The following AVL9 variants were observed in gnomAD, a reference collection of about 807,000 sequenced individuals.
AVL9 encodes the protein AVL9 cell migration associated, also known as late secretory pathway protein AVL9 homolog.
AVL9 carries 49 observed loss-of-function variants against 79.2 expected under a neutral mutation model. That is an observed-to-expected ratio of 0.62 (90% CI 0.49 to 0.79). The LOEUF is 0.79. Ranked by LOEUF, AVL9 falls within the 30% of genes least tolerant of loss-of-function variation. The pLI is 0.00. For missense variants in AVL9, 682 were observed against 776.8 expected (o/e 0.88, Z 1.45); for synonymous variants, 299 against 280.6 (o/e 1.07, Z -0.65).
intron 6 of AVL9, 106 bp from the exon 7 acceptor site, chr7:32,553,620 TA>T (rs1789930859): frequency 2.9e-6 from 2 of 694,458 alleles, no homozygotes; most frequent in Admixed American, 6.4e-5. Context: ...TGCATATTCC[TA>T]CTTTTTTTTT....
chr7:32,572,562 G>A (rs1383790824), intron 11 of AVL9, among the ~76,000 whole-genome samples: 1 of 150,536 alleles, frequency 6.6e-6, no homozygotes, highest in Non-Finnish European at 1.5e-5. Flanking sequence ...CAGCACTTTG[G>A]GAGGCCGAGG....
intron 13 of AVL9, 135 bp downstream of exon 13, chr7:32,576,207 C>A: frequency 1.6e-6 from 1 of 632,706 alleles, no homozygotes; most frequent in South Asian, 2.1e-5. Flanking sequence ...AAAAAGGCTC[C>A]CAAATATAGA....
chr7:32,560,326 T>G (rs1276054995), intron 10 of AVL9, among the ~76,000 whole-genome samples: 2 of 151,702 alleles, frequency 1.3e-5, no homozygotes, highest in African/African-American at 4.8e-5. Flanking sequence ...GAAGTACAAT[T>G]AATTATTAAA....
intron 1 of AVL9, chr7:32,538,214 T>G (rs1327047068): frequency 6.6e-6 from 1 of 152,232 alleles, no homozygotes; most frequent in African/African-American, 2.4e-5. Flanking sequence ...ACCTGTTAAC[T>G]AAATCTTCAG....
intron 15 of AVL9, 89 bp downstream of exon 15, chr7:32,580,979 G>T: frequency 2.9e-6 from 3 of 1,044,148 alleles, no homozygotes; most frequent in Non-Finnish European, 4.3e-6. Context: ...CAAACATAAA[G>T]TTGTAAAGAT....
chr7:32,511,526 C>T (rs1247039773), intron 1 of AVL9, among the ~76,000 whole-genome samples: 1 of 151,886 alleles, frequency 6.6e-6, no homozygotes, highest in Non-Finnish European at 1.5e-5. Flanking sequence ...GATTAGAGTA[C>T]AGGGGACTAG....
intron 1 of AVL9, among the ~76,000 whole-genome samples, chr7:32,513,483 CTCTT>C (rs2128119327): frequency 6.6e-6 from 1 of 152,354 alleles, no homozygotes; most frequent in African/African-American, 2.4e-5. Flanking sequence ...TAGATAAAAA[CTCTT>C]TCAACCAATT....
chr7:32,503,560 G>GGAAA (rs576348091), intron 1 of AVL9, among the ~76,000 whole-genome samples: 4 of 123,884 alleles, frequency 3.2e-5, no homozygotes, highest in East Asian at 2.4e-4. Context: ...CGTCTCAAGG[G>GGAAA]AAAAAAAAAA....
rs1791722351 is a variant in AVL9, at chr7:32,585,224, A to G, written c.*1317A>G. 1 of 152,210 alleles carries G rather than the reference A, an allele frequency of 6.6e-6. No individual in the cohort carries two copies. The highest frequency in any genetic ancestry group is 6.5e-5 in the Admixed American group (1 of 15,268). The allele number at this position is 152,210 out of a possible 1,614,324, so 9.4% of individuals were successfully genotyped here. A position where few individuals can be genotyped will look rare whatever the true frequency, so the allele number is the denominator to read the frequency against. The stretch of plus-strand genomic sequence containing the variant: ...CCCTACCCCCTTCTAGAAGTATCTT[A>G]AAAGAAAAGCAAGGTGATTGTAAGT... On this transcript the variant is annotated 3_prime_UTR_variant, in exon 16 of 16. Coordinates refer to ENST00000318709, the MANE Select transcript of AVL9 (RefSeq NM_015060.3).
At chr7:32,542,726 T>C (rs1054012931) in intron 1 of AVL9, among the ~76,000 whole-genome samples, 9 of 152,152 alleles carry the variant, frequency 5.9e-5, no homozygotes, top group African/African-American at 2.2e-4. Flanking sequence ...CATTAAAGGA[T>C]TGGTTCCAAA....
At chr7:32,561,309 T>C (rs6957621) in intron 10 of AVL9, among the ~76,000 whole-genome samples, 19,187 of 152,256 alleles carry the variant, frequency 0.13, 1,723 homozygotes, top group African/African-American at 0.26. Context: ...AAATCTGTAA[T>C]CACCTTCATC....
chr7:32,535,050 T>C (rs1371257330), intron 1 of AVL9: 1 of 152,176 alleles, frequency 6.6e-6, no homozygotes, highest in Non-Finnish European at 1.5e-5. Flanking sequence ...AAAATAAATT[T>C]CTCTTACAAA....
intron 10 of AVL9, among the ~76,000 whole-genome samples, chr7:32,563,859 T>C (rs1790436199): frequency 6.6e-6 from 1 of 152,184 alleles, no homozygotes; most frequent in African/African-American, 2.4e-5. Flanking sequence ...TGCTTGGGAT[T>C]CTGAAATTAT....
Position 32,545,354 on chromosome 7 carries a change from T to A in AVL9, c.300+575T>A, listed in dbSNP as rs187742521. Among the ~76,000 whole-genome samples, 1,013 of 143,514 alleles carry A rather than the reference T, an allele frequency of 7.1e-3. 5 individuals carry two copies. Among genetic ancestry groups the A allele is most frequent in the Non-Finnish European group, 0.013 (833 of 66,352 alleles). 94.2% of individuals were successfully genotyped at this position (143,514 alleles called of 152,430 possible). The stretch of plus-strand genomic sequence containing the variant: ...CTACTCATAAGCTGTCCTATTTATC[T>A]CTAAGATTTCTTTTTTTTTTTTTTT... On this transcript the variant is annotated intron_variant, in intron 3 of 15. Coordinates refer to ENST00000318709, the MANE Select transcript of AVL9 (RefSeq NM_015060.3).
At chr7:32,539,859 T>A (rs1466362997) in intron 1 of AVL9, among the ~76,000 whole-genome samples, 1 of 152,214 alleles carries the variant, frequency 6.6e-6, no homozygotes, top group African/African-American at 2.4e-5. Flanking sequence ...TTCATGGCCC[T>A]TTCTTCCATC....
At chr7:32,496,501 A>G (rs1786820020) in intron 1 of AVL9, among the ~76,000 whole-genome samples, 1 of 152,250 alleles carries the variant, frequency 6.6e-6, no homozygotes, top group Non-Finnish European at 1.5e-5. Context: ...CAGCAGCCTC[A>G]CTGAATCATT....
At chr7:32,528,239 T>C (rs1788489650) in intron 1 of AVL9, among the ~76,000 whole-genome samples, 1 of 152,190 alleles carries the variant, frequency 6.6e-6, no homozygotes, top group African/African-American at 2.4e-5. Context: ...ACTAAGCCAA[T>C]GTAAACCTTA....
chr7:32,503,363 T>TACACACAC (rs1199472851), intron 1 of AVL9, among the ~76,000 whole-genome samples: 4 of 100,310 alleles, frequency 4.0e-5, no homozygotes, highest in Non-Finnish European at 7.8e-5. Flanking sequence ...TATAGAGAGA[T>TACACACAC]ATATATATAT....
chr7:32,546,773 G>A (rs1020362094), intron 3 of AVL9, among the ~76,000 whole-genome samples: 4 of 152,002 alleles, frequency 2.6e-5, no homozygotes, highest in Admixed American at 6.6e-5. Flanking sequence ...GCAGTGAGCC[G>A]AGATGGCGCC....
Sources: allele counts gnomAD v4.1 joint callset (sites outside exome capture counted in the v4.1 genomes callset), GRCh38; gene constraint gnomAD v4.1.1; transcripts MANE v1.5; gene names NCBI Gene and HGNC (gene_info 2026-07-23, HGNC 2026-07-21).